ST7L: variants seen among roughly 807,000 people sequenced by gnomAD.
ST7L encodes the protein suppression of tumorigenicity 7 like, also known as suppressor of tumorigenicity 7 protein-like.
ST7L carries 57 observed loss-of-function variants against 72.5 expected under a neutral mutation model. The ratio of observed to expected loss-of-function variants is 0.79; its 90% CI spans 0.64 to 0.98. The LOEUF is 0.98. Among genes scored for constraint, ST7L ranks in the 50% least tolerant of loss-of-function variants. The probability of loss-of-function intolerance (pLI) is 0.00; values close to 1 mark genes in which losing one functional copy is unlikely to be tolerated. For synonymous variants in ST7L, 221 were observed against 240.9 expected (o/e 0.92, Z 0.77); for missense variants, 576 against 672.2 (o/e 0.86, Z 1.58).
intron 5 of ST7L, among the ~76,000 whole-genome samples, chr1:112,592,021 A>G (rs2101958611): frequency 6.6e-6 from 1 of 152,198 alleles, no homozygotes; most frequent in East Asian, 1.9e-4. Flanking sequence ...ACTTAAAAAC[A>G]AAGTCTTTGT....
At chr1:112,559,915 T>C (rs954345755) in intron 11 of ST7L, among the ~76,000 whole-genome samples, 3 of 151,932 alleles carry the variant, frequency 2.0e-5, no homozygotes, top group African/African-American at 4.8e-5. Flanking sequence ...GCGGTGGCAG[T>C]TGCAGTGAGC....
chr1:112,570,545 G>GTGTA (rs1199387859), intron 11 of ST7L, among the ~76,000 whole-genome samples: 1 of 130,860 alleles, frequency 7.6e-6, no homozygotes, highest in African/African-American at 2.7e-5. Context: ...AATAAAAGAT[G>GTGTA]TATATATATA....
chr1:112,595,092 G>A (rs564936720), intron 5 of ST7L, among the ~76,000 whole-genome samples: 5 of 152,218 alleles, frequency 3.3e-5, no homozygotes, highest in South Asian at 4.2e-4. Context: ...TAAGCTGGGC[G>A]TGGTCGCTCA....
intron 14 of ST7L, among the ~76,000 whole-genome samples, chr1:112,536,335 A>G (rs1346280679): frequency 6.6e-6 from 1 of 152,146 alleles, no homozygotes; most frequent in Non-Finnish European, 1.5e-5. Context: ...ATAATAATGG[A>G]AAACTCAGAA....
At chr1:112,553,086 A>AC (rs1354176208) in intron 12 of ST7L, among the ~76,000 whole-genome samples, 1 of 144,162 alleles carries the variant, frequency 6.9e-6, no homozygotes, top group East Asian at 2.5e-4. Flanking sequence ...TTGAGTATAG[A>AC]CTTAAAAAAA....
intron 11 of ST7L, among the ~76,000 whole-genome samples, chr1:112,566,575 G>A (rs1454875656): frequency 1.3e-5 from 2 of 152,058 alleles, no homozygotes; most frequent in East Asian, 3.9e-4. Flanking sequence ...GGGATTACAG[G>A]CATGAGCCAC....
Position 112,618,913 on chromosome 1 carries a change from T to C in ST7L, c.201A>G (p.Ala67=). ...RIPLRLCENL[A]AVTVFLNSLT... ...CAGGAGGTCTGGTCCTCTCACCCGC[T>C]GCCAAATTCTCACACAGCCTCAAAG... The change falls in exon 1 of 15, where the codon GCA becomes GCG. Residue 67 remains alanine, a synonymous_variant. Coordinates refer to ENST00000358039, the MANE Select transcript of ST7L (RefSeq NM_017744.5). 2 of 1,558,852 alleles carry C rather than the reference T, an allele frequency of 1.3e-6. No individual in the cohort carries two copies. The highest frequency in any genetic ancestry group is 8.7e-7 in the Non-Finnish European group (1 of 1,151,576).
At chr1:112,599,129 C>T (rs1262260425) in intron 4 of ST7L, among the ~76,000 whole-genome samples, 1,236 of 12,358 alleles carry the variant, frequency 0.1, 39 homozygotes, top group African/African-American at 0.27. Flanking sequence ...TGTGTGTATA[C>T]ACACACACAC....
chr1:112,530,629 G>A (rs534889234), intron 14 of ST7L, among the ~76,000 whole-genome samples: 1 of 152,170 alleles, frequency 6.6e-6, no homozygotes, highest in Admixed American at 6.5e-5. Context: ...TGGCCAGGCT[G>A]GTCTCAAACT....
At chr1:112,614,279 T>C (rs772416814) in intron 2 of ST7L, among the ~76,000 whole-genome samples, 18 of 152,172 alleles carry the variant, frequency 1.2e-4, no homozygotes, top group Non-Finnish European at 2.4e-4. Flanking sequence ...AGACAGGGTC[T>C]TGTTGTTGCC....
At chr1:112,528,724 T>G (rs1653865323) in intron 14 of ST7L, 1 of 152,196 alleles carries the variant, frequency 6.6e-6, no homozygotes, top group African/African-American at 2.4e-5. Flanking sequence ...CATGCTGCTT[T>G]TCCTCACTCC....
chr1:112,595,603 G>T (rs1234203733), intron 5 of ST7L, among the ~76,000 whole-genome samples: 1 of 151,764 alleles, frequency 6.6e-6, no homozygotes, highest in Non-Finnish European at 1.5e-5. Flanking sequence ...AACTTTTTTT[G>T]TAGGGATGGG....
intron 14 of ST7L, chr1:112,540,855 G>A (rs1306283230): frequency 7.8e-7 from 1 of 1,287,600 alleles, no homozygotes; most frequent in African/African-American, 1.5e-5. Context: ...TTTCTTTTTG[G>A]GTTTTAACTC....
At chr1:112,564,886 C>T (rs577755352) in intron 11 of ST7L, among the ~76,000 whole-genome samples, 401 of 150,786 alleles carry the variant, frequency 2.7e-3, no homozygotes, top group Non-Finnish European at 4.4e-3. Context: ...ATTCTACGGG[C>T]TTCCATTTCT....
chr1:112,613,161 A>G (rs1166754967), intron 2 of ST7L, among the ~76,000 whole-genome samples: 1 of 152,086 alleles, frequency 6.6e-6, no homozygotes. Flanking sequence ...GGGCAACAAC[A>G]ACACACTTCC....
At chr1:112,614,080 CT>C (rs1669488123) in intron 2 of ST7L, among the ~76,000 whole-genome samples, 1 of 152,110 alleles carries the variant, frequency 6.6e-6, no homozygotes, top group African/African-American at 2.4e-5. Flanking sequence ...AGTTATCCCC[CT>C]CTTATAAATG....
intron 13 of ST7L, among the ~76,000 whole-genome samples, chr1:112,542,360 T>G (rs1199566831): frequency 6.6e-6 from 1 of 152,054 alleles, no homozygotes; most frequent in Non-Finnish European, 1.5e-5. Context: ...GAGGTGATTT[T>G]GAAAAAAAGC....
intron 14 of ST7L, chr1:112,540,778 C>T: frequency 1.6e-6 from 2 of 1,278,604 alleles, no homozygotes; most frequent in Non-Finnish European, 2.0e-6. Context: ...AAATACATTA[C>T]CAAGTAAGGA....
intron 3 of ST7L, among the ~76,000 whole-genome samples, chr1:112,601,130 C>T (rs1342369061): frequency 6.6e-6 from 1 of 152,178 alleles, no homozygotes; most frequent in East Asian, 1.9e-4. Flanking sequence ...TAAAACTTCG[C>T]TCATTTTTCT....
Sources: allele counts gnomAD v4.1 joint callset (sites outside exome capture counted in the v4.1 genomes callset), GRCh38; gene constraint gnomAD v4.1.1; transcripts MANE v1.5; gene names NCBI Gene and HGNC (gene_info 2026-07-23, HGNC 2026-07-21).